ZNF680: variants seen among roughly 807,000 people sequenced by gnomAD.
ZNF680 encodes hypothetical protein FLJ90430.
ZNF680 carries 6 observed loss-of-function variants against 12.1 expected under a neutral mutation model. The ratio of observed to expected loss-of-function variants is 0.49; its 90% CI spans 0.27 to 0.98. ZNF680 has a LOEUF of 0.98. ZNF680 is among the 50% of genes least tolerant of loss of function. The pLI is 0.12. For synonymous variants in ZNF680, 170 were observed against 199.3 expected (o/e 0.85, Z 1.24); for missense variants, 561 against 616.3 (o/e 0.91, Z 0.95).
At chr7:64,555,356 A>AC (rs1554334023) in intron 1 of ZNF680, among the ~76,000 whole-genome samples, 1 of 150,542 alleles carries the variant, frequency 6.6e-6, no homozygotes, top group African/African-American at 2.4e-5. Flanking sequence ...AAAAAAAAAA[A>AC]CACTTGAAGT....
intron 2 of ZNF680, 173 bp downstream of exon 2, chr7:64,544,133 A>G (rs915039459): frequency 1.1e-6 from 1 of 914,282 alleles, no homozygotes; most frequent in Non-Finnish European, 1.6e-6. Context: ...GTTCAGGTCA[A>G]GATGAAACGT....
downstream of ZNF680, among the ~76,000 whole-genome samples, chr7:64,515,298 C>T (rs1791327377): frequency 1.3e-5 from 2 of 152,006 alleles, no homozygotes; most frequent in East Asian, 1.9e-4. Context: ...TACACACACA[C>T]ATAAATGTGC....
In ZNF680 at chr7:64,521,748, T is replaced by G. The variant is rs778638863; in HGVS notation, c.1006A>C (p.Asn336His). 1.2e-6 allele frequency: 2 copies of G among 1,612,550 alleles called. No homozygotes were observed. The highest frequency in any genetic ancestry group is 1.7e-5 in the Admixed American group (1 of 59,974). ...ECGKDFNQFS[N>H]LTKHKKIHTG... The stretch of plus-strand genomic sequence containing the variant: ...TGAATTTTCTTATGTTTAGTAAGGT[T>G]TGAAAACTGGTTAAAGTCTTTGCCA... The change falls in exon 4 of 4, where the codon AAC (asparagine) becomes CAC (histidine). Residue 336 changes from asparagine (N) to histidine (H), a missense_variant. Transcript: ENST00000309683.
At chr7:64,528,226 C>T (rs1010069048) in intron 3 of ZNF680, among the ~76,000 whole-genome samples, 2 of 152,026 alleles carry the variant, frequency 1.3e-5, no homozygotes, top group East Asian at 1.9e-4. Flanking sequence ...GCCACAGGCA[C>T]GAGAAAAACA....
chr7:64,521,383 A>G lies in ZNF680; in HGVS notation c.1371T>C (p.Thr457=), dbSNP rs748359039. ...STLTNHKVIH[T]GEKSYKCDEC... is the part of the protein sequence containing the mutation. ...CATCACATTTGTAGGATTTCTCTCC[A>G]GTATGAATTACTTTATGGTTAGTAA... is the stretch of plus-strand genomic sequence containing the variant. The change falls in exon 4 of 4, where the codon ACT becomes ACC. Residue 457 remains threonine (T), a synonymous_variant. Transcript: ENST00000309683. 53 of 1,613,666 alleles carry G rather than the reference A, an allele frequency of 3.3e-5. No homozygotes were observed. The highest frequency in any genetic ancestry group is 4.4e-5 in the Non-Finnish European group (52 of 1,179,698).
chr7:64,526,237 G>A, intron 3 of ZNF680: 6 of 1,092,502 alleles, frequency 5.5e-6, no homozygotes, highest in South Asian at 4.4e-5. Flanking sequence ...AGATGAAAAA[G>A]GCTAAGAACT....
chr7:64,529,707 AG>A (rs1785764031), intron 3 of ZNF680, among the ~76,000 whole-genome samples: 3 of 152,196 alleles, frequency 2.0e-5, no homozygotes, highest in Non-Finnish European at 1.5e-5. Context: ...GAAATCTAAA[AG>A]TTTGGAAAAC....
intron 1 of ZNF680, among the ~76,000 whole-genome samples, chr7:64,556,107 TAAA>T (rs1787399721): frequency 6.6e-6 from 1 of 151,834 alleles, no homozygotes. Flanking sequence ...AAATGCTTCT[TAAA>T]GAAGTCAGAG....
At chr7:64,500,495 T>C in the ZNF680 span, among the ~76,000 whole-genome samples, 6 of 152,284 alleles carry the variant, frequency 3.9e-5, 1 homozygote, top group African/African-American at 1.2e-4. Context: ...TGCAACAACA[T>C]TGATGAACCT....
At chr7:64,510,673 G>T in the ZNF680 span, among the ~76,000 whole-genome samples, 1 of 150,092 alleles carries the variant, frequency 6.7e-6, no homozygotes, top group African/African-American at 2.5e-5. Context: ...CACTTTGGGA[G>T]GCCAAGGCGG....
the ZNF680 span, among the ~76,000 whole-genome samples, chr7:64,509,488 C>A: frequency 6.6e-6 from 1 of 152,216 alleles, no homozygotes; most frequent in Admixed American, 6.5e-5. Context: ...CATTGGCATT[C>A]AAACGAGACA....
intron 1 of ZNF680, among the ~76,000 whole-genome samples, chr7:64,557,743 G>A (rs1787502237): frequency 6.6e-6 from 1 of 152,152 alleles, no homozygotes; most frequent in Non-Finnish European, 1.5e-5. Flanking sequence ...ACAAAAATTA[G>A]CCGGCTGTGG....
intron 3 of ZNF680, among the ~76,000 whole-genome samples, chr7:64,540,159 A>G (rs1236378191): frequency 1.3e-5 from 2 of 152,202 alleles, no homozygotes; most frequent in African/African-American, 4.8e-5. Flanking sequence ...ATGACTACTC[A>G]TTTAGATATG....
intron 1 of ZNF680, among the ~76,000 whole-genome samples, chr7:64,554,190 C>G (rs574393152): frequency 6.7e-6 from 1 of 148,600 alleles, no homozygotes; most frequent in Non-Finnish European, 1.5e-5. Flanking sequence ...AGCGCCTCTG[C>G]CCCGCCGCCC....
downstream of ZNF680, among the ~76,000 whole-genome samples, chr7:64,518,447 C>G (rs188163631): frequency 3.3e-5 from 5 of 152,062 alleles, no homozygotes; most frequent in Admixed American, 1.3e-4. Flanking sequence ...GAAACACATC[C>G]CATACTCATG....
chr7:64,511,821 G>C, the ZNF680 span, among the ~76,000 whole-genome samples: 1 of 152,116 alleles, frequency 6.6e-6, no homozygotes, highest in Admixed American at 6.5e-5. Flanking sequence ...CACTTTGGGA[G>C]GCCAAGGCAG....
the ZNF680 span, among the ~76,000 whole-genome samples, chr7:64,503,131 T>C: frequency 6.6e-6 from 1 of 152,262 alleles, no homozygotes; most frequent in African/African-American, 2.4e-5. Flanking sequence ...AAATGAGTTG[T>C]GGCTTAGTAT....
chr7:64,554,869 C>T (rs1278774387), intron 1 of ZNF680, among the ~76,000 whole-genome samples: 1 of 152,132 alleles, frequency 6.6e-6, no homozygotes, highest in Non-Finnish European at 1.5e-5. Flanking sequence ...GCGGGGCCCT[C>T]TGCCTAGGAA....
chr7:64,526,483 G>A (rs1791851730), intron 3 of ZNF680: 1 of 1,138,106 alleles, frequency 8.8e-7, no homozygotes, highest in East Asian at 2.7e-5. Flanking sequence ...TTGAGACCAG[G>A]AGTTCAAGAT....
Sources: allele counts gnomAD v4.1 joint callset (sites outside exome capture counted in the v4.1 genomes callset), GRCh38; gene constraint gnomAD v4.1.1; transcripts MANE v1.5; gene names NCBI Gene and HGNC (gene_info 2026-07-23, HGNC 2026-07-21).